Variants in PRKAR1A observed in about 807,000 individuals in gnomAD.
PRKAR1A encodes the protein cAMP-dependent protein kinase type I-alpha regulatory subunit.
Under a neutral mutation model 52.0 loss-of-function variants are expected in PRKAR1A, and 3 were observed. The ratio of observed to expected loss-of-function variants is 0.06; its 90% confidence interval spans 0.03 to 0.15. The LOEUF (loss-of-function observed/expected upper bound fraction) is 0.15. PRKAR1A is among the 10% of genes least tolerant of loss of function. The pLI is 1.00. For missense variants in PRKAR1A, 240 were observed against 477.4 expected (o/e 0.50, Z 4.63); for synonymous variants, 188 against 168.4 (o/e 1.12, Z -0.90).
At chr17:68,432,957 A>AT in the PRKAR1A span, among the ~76,000 whole-genome samples, 1 of 152,146 alleles carries the variant, frequency 6.6e-6, no homozygotes, top group Admixed American at 6.6e-5. Context: ...GATTTTATCC[A>AT]TTTTTTAGGC....
the PRKAR1A span, among the ~76,000 whole-genome samples, chr17:68,488,893 A>G: frequency 6.6e-6 from 1 of 152,008 alleles, no homozygotes; most frequent in Non-Finnish European, 1.5e-5. Context: ...TGGTGTGAGA[A>G]ATAAGCTTTC....
At chr17:68,521,280 A>C (rs1045638413) in intron 2 of PRKAR1A, among the ~76,000 whole-genome samples, 1 of 152,018 alleles carries the variant, frequency 6.6e-6, no homozygotes, top group African/African-American at 2.4e-5. Flanking sequence ...CCCAGGCCTG[A>C]GTGCAGTGGT....
chr17:68,541,895 GATTCAAAAGCC>G, intron 11 of PRKAR1A: 2 of 1,468,540 alleles, frequency 1.4e-6, no homozygotes, highest in Admixed American at 4.1e-5. Flanking sequence ...CAGCTTTTCA[GATTCAAAAGCC>G]AAGCTAGCAA....
At chr17:68,472,046 C>T in the PRKAR1A span, among the ~76,000 whole-genome samples, 14 of 152,288 alleles carry the variant, frequency 9.2e-5, no homozygotes, top group Admixed American at 2.0e-4. Context: ...TCAAGCAATC[C>T]GCCCGCCTGG....
At chr17:68,492,604 C>T in the PRKAR1A span, among the ~76,000 whole-genome samples, 4 of 152,120 alleles carry the variant, frequency 2.6e-5, no homozygotes, top group Non-Finnish European at 5.9e-5. Flanking sequence ...AGCTATGCAG[C>T]GCCAAAGTGT....
chr17:68,546,786 A>C (rs890611332), intron 11 of PRKAR1A, among the ~76,000 whole-genome samples: 17 of 146,696 alleles, frequency 1.2e-4, no homozygotes, highest in African/African-American at 4.3e-4. Flanking sequence ...GCTGAGATTG[A>C]GCCACTGGAC....
chr17:68,455,304 C>T, the PRKAR1A span, among the ~76,000 whole-genome samples: 1 of 146,946 alleles, frequency 6.8e-6, no homozygotes, highest in African/African-American at 2.5e-5. Context: ...GCAGAGGCTG[C>T]ACTGAGCCAA....
At chr17:68,420,902 C>CTAAT in the PRKAR1A span, 1 of 176,820 alleles carries the variant, frequency 5.7e-6, no homozygotes, top group Non-Finnish European at 1.2e-5. Context: ...TAAATCCATT[C>CTAAT]TAATTAGTAT....
chr17:68,424,342 T>C, the PRKAR1A span: 1,733 of 484,260 alleles, frequency 3.6e-3, 28 homozygotes, highest in African/African-American at 0.031. Flanking sequence ...GCCCCAGCCC[T>C]GCATGCAGGG....
the PRKAR1A span, among the ~76,000 whole-genome samples, chr17:68,433,840 T>C: frequency 7.8e-6 from 1 of 128,680 alleles, no homozygotes; most frequent in Non-Finnish European, 1.6e-5. Flanking sequence ...TGGAGTACGG[T>C]GGCTTGATCT....
At chr17:68,496,186 C>T in the PRKAR1A span, among the ~76,000 whole-genome samples, 3 of 146,702 alleles carry the variant, frequency 2.0e-5, no homozygotes, top group Non-Finnish European at 4.5e-5. Flanking sequence ...GAATTACAGG[C>T]GTGTACCACC....
At chr17:68,423,031 C>T in the PRKAR1A span, among the ~76,000 whole-genome samples, 68 of 152,212 alleles carry the variant, frequency 4.5e-4, 1 homozygote, top group East Asian at 0.012. The surrounding 1 kb of genome is among the most constrained non-coding windows in gnomAD (Gnocchi z 4.4). Context: ...AGTGATGACC[C>T]GCGTTCTTAA....
At chr17:68,518,488 G>T (rs1003102321) in intron 2 of PRKAR1A, among the ~76,000 whole-genome samples, 10 of 152,260 alleles carry the variant, frequency 6.6e-5, no homozygotes, top group Non-Finnish European at 1.5e-4. Flanking sequence ...AGGGCTTGGG[G>T]CTTGCACTCT....
chr17:68,542,644 T>G (rs1267470314), intron 11 of PRKAR1A: 1 of 1,420,668 alleles, frequency 7.0e-7, no homozygotes, highest in East Asian at 2.3e-5. Flanking sequence ...GTGGACACTC[T>G]GGCTTACGAT....
At chr17:68,446,698 CTT>C in the PRKAR1A span, among the ~76,000 whole-genome samples, 7 of 152,218 alleles carry the variant, frequency 4.6e-5, no homozygotes, top group Admixed American at 2.0e-4. Context: ...CTGATATCCT[CTT>C]GTGTCCCCTC....
intron 11 of PRKAR1A, among the ~76,000 whole-genome samples, chr17:68,543,371 G>T (rs1341119251): frequency 2.0e-5 from 3 of 152,144 alleles, no homozygotes; most frequent in Non-Finnish European, 4.4e-5. Flanking sequence ...TAGAGCAACT[G>T]CCCCAAGCAG....
intron 11 of PRKAR1A, among the ~76,000 whole-genome samples, chr17:68,544,711 GC>G (rs140271776): frequency 0.064 from 9,730 of 152,254 alleles, 467 homozygotes; most frequent in Non-Finnish European, 0.1. Flanking sequence ...CACCGTTACA[GC>G]ACAACCCTCC....
the PRKAR1A span, among the ~76,000 whole-genome samples, chr17:68,486,483 TTCCTTCC>T: frequency 1.3e-5 from 1 of 76,170 alleles, no homozygotes; most frequent in African/African-American, 6.1e-5. Context: ...CCTTCCTTCC[TTCCTTCC>T]TTCCTTCCTT....
chr17:68,504,353 G>C, the PRKAR1A span, among the ~76,000 whole-genome samples: 1 of 152,106 alleles, frequency 6.6e-6, no homozygotes, highest in African/African-American at 2.4e-5. Context: ...TGTAATCTCA[G>C]CTACTTGGGA....
Sources: gnomAD v4.1 joint callset for allele counts (sites outside exome capture counted in the v4.1 genomes callset) on GRCh38, gnomAD v4.1.1 for gene constraint, Gnocchi (gnomAD v3.1) non-coding constraint, MANE v1.5 for transcripts, NCBI Gene and HGNC (gene_info 2026-07-23, HGNC 2026-07-21) for gene names.